LRMDA: variants seen among roughly 807,000 people sequenced by gnomAD.
LRMDA encodes leucine rich melanocyte differentiation associated, also known as leucine-rich melanocyte differentiation-associated protein.
LRMDA carries 18 observed loss-of-function variants against 29.8 expected under a neutral mutation model. That is an observed-to-expected ratio of 0.60 (90% CI 0.42 to 0.90). The LOEUF (loss-of-function observed/expected upper bound fraction) is 0.90. LRMDA is among the 40% of genes least tolerant of loss of function. The pLI is 0.00. For missense variants in LRMDA, 273 were observed against 273.9 expected (o/e 1.00, Z 0.02); for synonymous variants, 125 against 109.4 (o/e 1.14, Z -0.89).
At chr10:75,438,564 C>T (rs1438363852) in intron 2 of LRMDA, 70 bp downstream of exon 2, 2 of 1,205,560 alleles carry the variant, frequency 1.7e-6, no homozygotes, top group Non-Finnish European at 2.4e-6. Context: ...TAGGGCCAAG[C>T]AGATAAAAGT....
At chr10:76,319,734 G>A (rs1840745130) in intron 5 of LRMDA, among the ~76,000 whole-genome samples, 1 of 134,340 alleles carries the variant, frequency 7.4e-6, no homozygotes, top group Admixed American at 7.9e-5. Context: ...GAAAAGTGAA[G>A]ATTGCTTTTG....
chr10:75,905,654 G>A (rs540486562), intron 2 of LRMDA, among the ~76,000 whole-genome samples: 1 of 152,266 alleles, frequency 6.6e-6, no homozygotes, highest in South Asian at 2.1e-4. Context: ...GAGATTTGGG[G>A]TTTGCAATGA....
intron 2 of LRMDA, among the ~76,000 whole-genome samples, chr10:75,663,214 T>A (rs551370752): frequency 6.6e-6 from 1 of 152,158 alleles, no homozygotes; most frequent in Non-Finnish European, 1.5e-5. Flanking sequence ...TGAAGACCCC[T>A]ATGTCTGCCA....
chr10:76,044,986 C>A (rs192393746), intron 3 of LRMDA, among the ~76,000 whole-genome samples: 47 of 149,464 alleles, frequency 3.1e-4, no homozygotes, highest in African/African-American at 1.1e-3. Context: ...ACTTTCCCCT[C>A]CCTTGCTAGT....
intron 2 of LRMDA, among the ~76,000 whole-genome samples, chr10:75,505,054 G>A (rs1845155513): frequency 6.6e-6 from 1 of 152,156 alleles, no homozygotes; most frequent in South Asian, 2.1e-4. Context: ...TAGGTTATGG[G>A]AAAGAGAGGA....
chr10:75,954,970 A>G (rs1846640215), intron 2 of LRMDA, among the ~76,000 whole-genome samples: 1 of 152,220 alleles, frequency 6.6e-6, no homozygotes, highest in East Asian at 1.9e-4. Context: ...TTAATCCAAA[A>G]GAGCTATTTT....
rs73279280 is a variant in LRMDA, at chr10:75,854,422, T to A, written c.132-181586T>A. On this transcript the variant is annotated intron_variant, in intron 2 of 6. Transcript: ENST00000611255. Reference sequence around the variant, plus strand: ...ATTGGCCACCCCCCATGCCTTTTACTCTCAAAATATCCAGATTTGGATGGC... The same window carrying A: ...ATTGGCCACCCCCCATGCCTTTTACACTCAAAATATCCAGATTTGGATGGC... Among the ~76,000 whole-genome samples, 506 of 152,246 alleles carry A rather than the reference T, an allele frequency of 3.3e-3. 1 individual carries two copies. The highest frequency in any genetic ancestry group is 0.012 in the African/African-American group (481 of 41,556).
At chr10:75,611,692 C>T (rs1841034218) in intron 2 of LRMDA, among the ~76,000 whole-genome samples, 1 of 152,210 alleles carries the variant, frequency 6.6e-6, no homozygotes, top group Non-Finnish European at 1.5e-5. Context: ...CTAGCCCATA[C>T]AGTGCTTCTG....
At chr10:75,794,238 T>C (rs1274974290) in intron 2 of LRMDA, among the ~76,000 whole-genome samples, 4 of 152,244 alleles carry the variant, frequency 2.6e-5, no homozygotes. Flanking sequence ...TGTTTATAAA[T>C]GATGCTATGT....
At chr10:75,999,898 A>G (rs1051956060) in intron 2 of LRMDA, among the ~76,000 whole-genome samples, 7 of 152,224 alleles carry the variant, frequency 4.6e-5, no homozygotes, top group Non-Finnish European at 7.3e-5. Flanking sequence ...CTGATTATAC[A>G]TGATAAACAC....
At chr10:75,724,280 G>T (rs1298597052) in intron 2 of LRMDA, among the ~76,000 whole-genome samples, 2 of 152,164 alleles carry the variant, frequency 1.3e-5, no homozygotes, top group African/African-American at 4.8e-5. Context: ...ATAATGCTCT[G>T]CAGAGGCAAT....
chr10:75,882,269 T>C (rs562062574), intron 2 of LRMDA, among the ~76,000 whole-genome samples: 4 of 152,288 alleles, frequency 2.6e-5, no homozygotes, highest in South Asian at 2.1e-4. Context: ...GAAATAATTA[T>C]GGAGGTTGTA....
At chr10:76,304,465 G>A (rs2579786) in intron 5 of LRMDA, among the ~76,000 whole-genome samples, 132,512 of 152,072 alleles carry the variant, frequency 0.87, 58,492 homozygotes, top group Non-Finnish European at 0.95. Flanking sequence ...GCTAGAAAGG[G>A]GTGTCCACAT....
At chr10:76,267,857 G>A (rs968139274) in intron 5 of LRMDA, among the ~76,000 whole-genome samples, 2 of 151,810 alleles carry the variant, frequency 1.3e-5, no homozygotes, top group African/African-American at 2.4e-5. Flanking sequence ...TTATTTATTC[G>A]GTGTTTTTCT....
intron 6 of LRMDA, among the ~76,000 whole-genome samples, chr10:76,460,583 G>A (rs1248899944): frequency 6.6e-6 from 1 of 152,224 alleles, no homozygotes; most frequent in Non-Finnish European, 1.5e-5. Flanking sequence ...TGACTAGACA[G>A]TAAAAGTCGT....
At chr10:76,392,658 A>G (rs1841736552) in intron 6 of LRMDA, among the ~76,000 whole-genome samples, 1 of 151,844 alleles carries the variant, frequency 6.6e-6, no homozygotes, top group South Asian at 2.1e-4. Flanking sequence ...CTGTATGTGC[A>G]TTGTGTCACA....
chr10:75,740,019 GTAAA>G (rs377080792), intron 2 of LRMDA, among the ~76,000 whole-genome samples: 32 of 152,258 alleles, frequency 2.1e-4, no homozygotes, highest in African/African-American at 7.0e-4. Flanking sequence ...TACCATGGGG[GTAAA>G]TAAAGCTCTT....
intron 2 of LRMDA, among the ~76,000 whole-genome samples, chr10:75,780,556 A>C (rs1467027722): frequency 6.6e-6 from 1 of 152,202 alleles, no homozygotes; most frequent in Non-Finnish European, 1.5e-5. Context: ...CTGAAGGTGA[A>C]TGTGAGCTAT....
chr10:75,879,317 G>A lies in LRMDA; in HGVS notation c.132-156691G>A, dbSNP rs769910070. Among the ~76,000 whole-genome samples the A allele has an allele frequency of 1.7e-4, 26 of 152,276 alleles. No individual in the cohort carries two copies. The Middle Eastern group carries it at 0.01, about 60-fold the overall frequency. ...CTGCTGCAGAATTTTGCTTCCATTA[G>A]CCCTGCGTACCTTTGCCCTTAGAAA... is the stretch of plus-strand genomic sequence containing the variant. On this transcript the variant is annotated intron_variant, in intron 2 of 6. Coordinates refer to ENST00000611255, the MANE Select transcript of LRMDA (RefSeq NM_001305581.2).
Sources: gnomAD v4.1 joint callset for allele counts (sites outside exome capture counted in the v4.1 genomes callset) on GRCh38, gnomAD v4.1.1 for gene constraint, MANE v1.5 for transcripts, NCBI Gene and HGNC (gene_info 2026-07-23, HGNC 2026-07-21) for gene names.